Variants in RWDD2B observed in about 807,000 individuals in gnomAD.
RWDD2B encodes the protein RWD domain containing 2B.
In RWDD2B, 36 loss-of-function variants were observed where a neutral mutation model predicts 33.6. The ratio of observed to expected loss-of-function variants is 1.07; its 90% CI spans 0.82 to 1.42. The LOEUF is 1.42. RWDD2B is among the 40% of genes most tolerant of loss of function. The probability of loss-of-function intolerance (pLI) is 0.00; values close to 1 mark genes in which losing one functional copy is unlikely to be tolerated. For missense variants in RWDD2B, 364 were observed against 377.5 expected (o/e 0.96, Z 0.30); for synonymous variants, 126 against 133.1 (o/e 0.95, Z 0.37).
Position 29,006,209 on chromosome 21 carries a change from A to G in RWDD2B, c.*208T>C. The G allele has an allele frequency of 2.3e-6, 1 of 426,600 alleles. No homozygotes were observed. 26.4% of individuals were successfully genotyped at this position (426,600 alleles called of 1,614,324 possible). A position where few individuals can be genotyped will look rare whatever the true frequency, so the allele number is the denominator to read the frequency against. On this transcript the variant is annotated 3_prime_UTR_variant, in exon 5 of 5. Transcript: ENST00000493196. ...GATATGTGAAGAAATATCTAACAAC[A>G]ATTTTAAGGTTGTAATTTGAAACTC...
intron 1 of RWDD2B, among the ~76,000 whole-genome samples, chr21:29,014,171 G>C (rs763128297): frequency 2.6e-5 from 4 of 152,198 alleles, no homozygotes; most frequent in African/African-American, 4.8e-5. Flanking sequence ...TCCCATGGCG[G>C]AAGGCAGAGG....
intron 1 of RWDD2B, among the ~76,000 whole-genome samples, chr21:29,016,625 T>C (rs954532053): frequency 7.9e-5 from 12 of 152,060 alleles, no homozygotes; most frequent in African/African-American, 1.9e-4. Flanking sequence ...TGGAATTCCA[T>C]ATACATATTT....
chr21:29,008,636 A>G lies in RWDD2B; in HGVS notation c.68-15T>C. 6 of 1,563,028 alleles carry G rather than the reference A, an allele frequency of 3.8e-6. No homozygotes were observed. The highest frequency in any genetic ancestry group is 4.4e-6 in the Non-Finnish European group (5 of 1,140,808). ...TGTGTAAGTTTCTAAGGAGGTAAAG[A>G]TAAGAGAGACAATTTACATATGCAA... is the stretch of plus-strand genomic sequence containing the variant. On this transcript the variant is annotated splice_polypyrimidine_tract_variant and intron_variant, in intron 1 of 4. Transcript: ENST00000493196.
chr21:29,009,051 G>A lies in RWDD2B; in HGVS notation c.68-430C>T, dbSNP rs76337933. On this transcript the variant is annotated intron_variant, in intron 1 of 4. Coordinates refer to ENST00000493196, the MANE Select transcript of RWDD2B (RefSeq NM_016940.3). ...AAAGTCAGTCAGAGAGTTTGGTTAC[G>A]TGGATGGTCAATTTCTTCTTTTTAA... 4.7e-3 allele frequency among the ~76,000 whole-genome samples: 723 copies of A among 152,294 alleles called. 7 individuals are homozygous for A. Among genetic ancestry groups the A allele is most frequent in the African/African-American group, 0.017 (693 of 41,560 alleles).
chr21:29,015,476 G>A (rs563725308), intron 1 of RWDD2B, among the ~76,000 whole-genome samples: 5 of 149,338 alleles, frequency 3.3e-5, no homozygotes, highest in East Asian at 2.0e-4. Context: ...TGATCCACCC[G>A]CGTTGGCCTC....
At chr21:29,008,917 A>G (rs2084843399) in intron 1 of RWDD2B, among the ~76,000 whole-genome samples, 1 of 152,200 alleles carries the variant, frequency 6.6e-6, no homozygotes, top group Non-Finnish European at 1.5e-5. Flanking sequence ...TTGAGCTACC[A>G]TAATGGGCAA....
In RWDD2B at chr21:29,008,577, C is replaced by A. The variant is rs773220401; in HGVS notation, c.112G>T (p.Ala38Ser). 1 of 1,613,940 alleles carries A rather than the reference C, an allele frequency of 6.2e-7. No homozygotes were observed. Among genetic ancestry groups the A allele is most frequent in the Non-Finnish European group, 8.5e-7 (1 of 1,180,000 alleles). Residue 38 changes from alanine (A) to serine (S), a missense_variant, in exon 2 of 5, where the codon GCC becomes TCC. Transcript: ENST00000493196. ...AGCAGGTCTAACTCAGCAAGCTGGG[C>A]CTCCGCCTGCTCCATCTCAATCATT... is the stretch of plus-strand genomic sequence containing the variant. ...PKMIEMEQAE[A>S]QLAELDLLAS...
intron 4 of RWDD2B, 137 bp downstream of exon 4, chr21:29,007,624 C>T (rs1466947689): frequency 2.3e-6 from 2 of 857,084 alleles, no homozygotes; most frequent in Non-Finnish European, 3.5e-6. Flanking sequence ...TCTATATGTG[C>T]TCCATTATAA....
intron 4 of RWDD2B, among the ~76,000 whole-genome samples, 179 bp downstream of exon 4, chr21:29,007,582 T>C (rs1251201243): frequency 2.0e-5 from 3 of 152,242 alleles, no homozygotes; most frequent in Admixed American, 1.3e-4. Flanking sequence ...TGATATTCAA[T>C]AGTGGGAAGA....
chr21:29,006,511 C>A lies in RWDD2B; in HGVS notation c.866G>T (p.Gly289Val). The A allele has an allele frequency of 6.2e-7, 1 of 1,613,876 alleles. No homozygotes were observed. The highest frequency in any genetic ancestry group is 8.5e-7 in the Non-Finnish European group (1 of 1,179,810). Reference protein sequence around the residue: ...EKVFSVNGARGNHMDFGQLYQ... With the variant: ...EKVFSVNGARVNHMDFGQLYQ... ...GAGCTGACCAAAGTCCATGTGGTTT[C>A]CCCTGGCTCCATTAACACTGAACAC... The change falls in exon 5 of 5, where the codon GGA (glycine) becomes GTA (valine). Residue 289 changes from glycine to valine, a missense_variant. Transcript: ENST00000493196.
At chr21:29,019,159 G>A (rs1045749432) in intron 1 of RWDD2B, 52 bp downstream of exon 1, 4 of 1,453,344 alleles carry the variant, frequency 2.8e-6, no homozygotes, top group South Asian at 2.4e-5. Flanking sequence ...GCGCTGCAGC[G>A]TGGGAAACCC....
intron 1 of RWDD2B, among the ~76,000 whole-genome samples, chr21:29,013,480 G>A (rs968789119): frequency 2.0e-5 from 3 of 152,016 alleles, no homozygotes; most frequent in African/African-American, 7.2e-5. Flanking sequence ...ATGAGGTCAG[G>A]AGATCCAGAC....
chr21:29,012,838 C>A (rs2084871242), intron 1 of RWDD2B, among the ~76,000 whole-genome samples: 1 of 151,692 alleles, frequency 6.6e-6, no homozygotes, highest in South Asian at 2.1e-4. Context: ...AATATTTGAT[C>A]CATCTGGGAT....
rs1371689254 is a variant in RWDD2B, at chr21:29,019,304, T to C, written c.-27A>G. 1.9e-6 allele frequency: 3 copies of C among 1,555,240 alleles called. No homozygotes were observed. Among genetic ancestry groups the C allele is most frequent in the South Asian group, 1.2e-5 (1 of 86,440 alleles). ...AGAAGGGAGCCTCAAAATTCTAGCA[T>C]ACTGCGACCCAAAACTTACAAACCG... On this transcript the variant is annotated 5_prime_UTR_variant, in exon 1 of 5. It removes an upstream start codon present in the reference 5' UTR. Coordinates refer to ENST00000493196, the MANE Select transcript of RWDD2B (RefSeq NM_016940.3).
intron 1 of RWDD2B, among the ~76,000 whole-genome samples, chr21:29,011,940 T>TG (rs1356928074): frequency 1.1e-5 from 1 of 87,180 alleles, no homozygotes; most frequent in Non-Finnish European, 2.2e-5. Context: ...GGGAGGGAGG[T>TG]GGGGGGGTCA....
chr21:29,006,677 A>T (rs1247647463), intron 4 of RWDD2B, 26 bp from the exon 5 acceptor site: 1 of 1,367,928 alleles, frequency 7.3e-7, no homozygotes, highest in Non-Finnish European at 1.0e-6. Flanking sequence ...CAAAGTAAAC[A>T]TTTTCAAAAT....
intron 1 of RWDD2B, among the ~76,000 whole-genome samples, chr21:29,013,515 C>G (rs1318416631): frequency 2.6e-5 from 4 of 151,846 alleles, no homozygotes; most frequent in African/African-American, 9.7e-5. Flanking sequence ...CAGTGAAACC[C>G]CACCTCTACT....
chr21:29,013,558 C>G (rs1010245714), intron 1 of RWDD2B, among the ~76,000 whole-genome samples: 18 of 151,590 alleles, frequency 1.2e-4, no homozygotes, highest in Non-Finnish European at 2.4e-4. Flanking sequence ...GCGTGGTGGC[C>G]GGCGCCTGTA....
Position 29,007,737 on chromosome 21 carries a change from T to C in RWDD2B, c.725+24A>G, listed in dbSNP as rs747221049. On this transcript the variant is annotated intron_variant, in intron 4 of 4. Coordinates refer to ENST00000493196, the MANE Select transcript of RWDD2B (RefSeq NM_016940.3). ...TAGTATTAACATTATTGACATGACT[T>C]CATATACATATGTAAAAGCAAACCT... 1.9e-6 allele frequency: 3 copies of C among 1,598,728 alleles called. No individual in the cohort carries two copies. In the South Asian group the frequency reaches 3.4e-5, roughly 18 times the overall value.
Sources: allele counts gnomAD v4.1 joint callset (sites outside exome capture counted in the v4.1 genomes callset), GRCh38; gene constraint gnomAD v4.1.1; transcripts MANE v1.5; gene names NCBI Gene and HGNC (gene_info 2026-07-23, HGNC 2026-07-21).